The following PRDM16 variants were observed in gnomAD, a reference collection of about 807,000 sequenced individuals.
The protein encoded by PRDM16 is PR/SET domain 16.
In PRDM16, 23 loss-of-function variants were observed where a neutral mutation model predicts 110.6. The observed-to-expected ratio is 0.21, with a 90% confidence interval of 0.15 to 0.29. PRDM16 has a LOEUF of 0.29. Among genes scored for constraint, PRDM16 ranks in the 10% least tolerant of loss-of-function variants. The pLI is 1.00. For missense variants in PRDM16, 1,615 were observed against 1,794.3 expected (o/e 0.90, Z 1.81); for synonymous variants, 799 against 781.8 (o/e 1.02, Z -0.37).
At chr1:3,300,150 G>A (rs1406057502) in intron 3 of PRDM16, among the ~76,000 whole-genome samples, 1 of 98,744 alleles carries the variant, frequency 1.0e-5, no homozygotes, top group African/African-American at 3.1e-5. Context: ...GCTATGCTGT[G>A]GCCGTGATGT....
chr1:3,181,987 A>G (rs1346569134), intron 1 of PRDM16, among the ~76,000 whole-genome samples: 1 of 152,194 alleles, frequency 6.6e-6, no homozygotes, highest in African/African-American at 2.4e-5. Context: ...TCACATGCTT[A>G]CACATGCAGT....
At chr1:3,193,040 C>T (rs564155057) in intron 2 of PRDM16, among the ~76,000 whole-genome samples, 33 of 151,716 alleles carry the variant, frequency 2.2e-4, no homozygotes, top group Admixed American at 1.4e-3. Flanking sequence ...GGCCAGACGG[C>T]GAGTACCCAG....
chr1:3,262,791 C>T (rs866731275), intron 3 of PRDM16, among the ~76,000 whole-genome samples: 7 of 152,096 alleles, frequency 4.6e-5, no homozygotes, highest in African/African-American at 1.4e-4. Flanking sequence ...ACGACACCTG[C>T]GGGGTGCTGC....
chr1:3,151,665 G>A (rs935821670), intron 1 of PRDM16, among the ~76,000 whole-genome samples: 4 of 152,228 alleles, frequency 2.6e-5, no homozygotes, highest in African/African-American at 7.2e-5. Flanking sequence ...CTGGGAGGCC[G>A]CCCACAGCAC....
intron 8 of PRDM16, among the ~76,000 whole-genome samples, chr1:3,409,761 G>GTGTGTGTGGT (rs1297795353): frequency 1.9e-5 from 2 of 105,986 alleles, no homozygotes; most frequent in South Asian, 2.6e-4. Flanking sequence ...GTGGGTGTGA[G>GTGTGTGTGGT]TGTGTGTGGT....
At chr1:3,315,801 A>G (rs954106285) in intron 3 of PRDM16, among the ~76,000 whole-genome samples, 4 of 152,232 alleles carry the variant, frequency 2.6e-5, no homozygotes, top group Middle Eastern at 6.8e-3. Flanking sequence ...CTGGCCACCA[A>G]TCGGAGACTC....
intron 3 of PRDM16, among the ~76,000 whole-genome samples, chr1:3,297,102 C>T (rs1264921880): frequency 2.6e-5 from 4 of 152,124 alleles, no homozygotes; most frequent in Non-Finnish European, 4.4e-5. Context: ...GATCTCAGAC[C>T]TCGTGGGGTG....
intron 1 of PRDM16, among the ~76,000 whole-genome samples, chr1:3,103,803 C>A (rs1375804419): frequency 2.6e-5 from 4 of 152,102 alleles, no homozygotes; most frequent in Admixed American, 6.6e-5. Context: ...TGGGGTTGAG[C>A]CTTTTCAATA....
chr1:3,215,792 G>A (rs1348088660), intron 2 of PRDM16, among the ~76,000 whole-genome samples: 6 of 152,124 alleles, frequency 3.9e-5, no homozygotes, highest in South Asian at 4.1e-4. Flanking sequence ...AATTCTGCCC[G>A]TGTCCGCACC....
intron 3 of PRDM16, among the ~76,000 whole-genome samples, chr1:3,344,142 G>A (rs1457904158): frequency 6.6e-6 from 1 of 152,112 alleles, no homozygotes; most frequent in Non-Finnish European, 1.5e-5. Context: ...TTCTAGACCA[G>A]CCTGGACAAC....
In PRDM16 at chr1:3,081,579, C is replaced by T. The variant is rs1401251958; in HGVS notation, c.37+12283C>T. ...TGCTTGGCATCACCTACAGGGATGG[C>T]GGCGGCCAGGGTTGGTCTTCCTTCT... On this transcript the variant is annotated intron_variant, in intron 1 of 16. Coordinates refer to ENST00000270722, the MANE Select transcript of PRDM16 (RefSeq NM_022114.4). This position sits in a 1 kb window ranked among gnomAD's most constrained non-coding sequence, Gnocchi z 4.6. 1.3e-5 allele frequency among the ~76,000 whole-genome samples: 2 copies of T among 152,274 alleles called. No homozygotes were observed. The highest frequency in any genetic ancestry group is 1.9e-4 in the East Asian group (1 of 5,158).
intron 4 of PRDM16, 110 bp from the exon 5 acceptor site, chr1:3,396,381 C>G: frequency 1.4e-6 from 1 of 729,792 alleles, no homozygotes. Flanking sequence ...AGAGGAAAAT[C>G]AAGTGCAGGC....
At chr1:3,284,098 G>T (rs1415046017) in intron 3 of PRDM16, among the ~76,000 whole-genome samples, 1 of 151,514 alleles carries the variant, frequency 6.6e-6, no homozygotes, top group Non-Finnish European at 1.5e-5. Context: ...TGGGGCAGGG[G>T]CTGCTGCCCG....
chr1:3,435,233 AT>A lies in PRDM16; in HGVS notation c.*1428del, dbSNP rs1394455882. The A allele has an allele frequency of 4.5e-6, 1 of 221,292 alleles. No individual in the cohort carries two copies. The highest frequency in any genetic ancestry group is 9.0e-6 in the Non-Finnish European group (1 of 110,758). 13.7% of individuals were successfully genotyped at this position (221,292 alleles called of 1,614,324 possible). A position where few individuals can be genotyped will look rare whatever the true frequency, so the allele number is the denominator to read the frequency against. On this transcript the variant is annotated 3_prime_UTR_variant, in exon 17 of 17. Transcript: ENST00000270722. ...TACCTTAATCTGTATATAACTTGTA[AT>A]TTTTTCTAATTCATTTCTTTTCTTA...
chr1:3,117,505 A>AT (rs1335711712), intron 1 of PRDM16, among the ~76,000 whole-genome samples: 3 of 152,068 alleles, frequency 2.0e-5, no homozygotes, highest in African/African-American at 7.3e-5. Flanking sequence ...GGGCATCGCC[A>AT]TGCCACCTCA....
At chr1:3,071,626 G>C (rs1641763462) in intron 1 of PRDM16, among the ~76,000 whole-genome samples, 1 of 152,224 alleles carries the variant, frequency 6.6e-6, no homozygotes, top group African/African-American at 2.4e-5. Flanking sequence ...ATTTTAAGCA[G>C]ATGTGAACTT....
At chr1:3,211,605 C>G (rs977147624) in intron 2 of PRDM16, among the ~76,000 whole-genome samples, 1 of 152,232 alleles carries the variant, frequency 6.6e-6, no homozygotes, top group African/African-American at 2.4e-5. Flanking sequence ...CTCAAGGCCC[C>G]GGCCTCGTCC....
At chr1:3,311,778 G>C (rs536737004) in intron 3 of PRDM16, among the ~76,000 whole-genome samples, 1 of 152,264 alleles carries the variant, frequency 6.6e-6, no homozygotes, top group South Asian at 2.1e-4. Flanking sequence ...GGAAGCTTGG[G>C]TTCGACATCT....
chr1:3,399,578 G>A (rs1343333550), intron 5 of PRDM16, among the ~76,000 whole-genome samples: 1 of 152,206 alleles, frequency 6.6e-6, no homozygotes, highest in Non-Finnish European at 1.5e-5. Flanking sequence ...GAGGGCTGGG[G>A]TTGGGGAGCA....
Sources: gnomAD v4.1 joint callset for allele counts (sites outside exome capture counted in the v4.1 genomes callset) on GRCh38, gnomAD v4.1.1 for gene constraint, Gnocchi (gnomAD v3.1) non-coding constraint, MANE v1.5 for transcripts, NCBI Gene and HGNC (gene_info 2026-07-23, HGNC 2026-07-21) for gene names.